CRACD: variants seen among roughly 807,000 people sequenced by gnomAD.
CRACD encodes capping protein inhibiting regulator of actin dynamics, also known as capping protein-inhibiting regulator of actin dynamics.
Under a neutral mutation model 106.8 loss-of-function variants are expected in CRACD, and 56 were observed. The ratio of observed to expected loss-of-function variants is 0.52; its 90% CI spans 0.42 to 0.66. The LOEUF (loss-of-function observed/expected upper bound fraction) is 0.66. Among genes scored for constraint, CRACD ranks in the 30% least tolerant of loss-of-function variants. CRACD has a pLI of 0.00. For missense variants in CRACD, 1,730 were observed against 1,623.2 expected, an observed-to-expected ratio of 1.07 and a Z score of -1.13; for synonymous variants, 754 against 670.8, an observed-to-expected ratio of 1.12 and a Z score of -1.92.
At chr4:56,202,760 T>C (rs1284044912) in intron 2 of CRACD, among the ~76,000 whole-genome samples, 1 of 152,210 alleles carries the variant, frequency 6.6e-6, no homozygotes, top group Non-Finnish European at 1.5e-5. Context: ...GAAATAACTT[T>C]TATTTTTTCT....
chr4:56,226,562 G>A (rs1022811672), intron 2 of CRACD, among the ~76,000 whole-genome samples: 1 of 152,132 alleles, frequency 6.6e-6, no homozygotes, highest in East Asian at 1.9e-4. Flanking sequence ...CTGTTGCTAA[G>A]AGAAAATTTG....
At position 56,065,699 on chromosome 4, in the gene CRACD, T is replaced by C. The variant is rs148599376; in HGVS notation, c.-336+16400T>C. On this transcript the variant is annotated intron_variant, in intron 1 of 10. Coordinates refer to ENST00000682029, the MANE Select transcript of CRACD (RefSeq NM_001393381.1). ...GGTGAAATATACATGACATACACTT[T>C]ACTATTTTACCCATTTTTAAGTGTA... is the stretch of plus-strand genomic sequence containing the variant. 1.2e-3 allele frequency among the ~76,000 whole-genome samples: 188 copies of C among 152,312 alleles called. 1 individual carries two copies. The highest frequency in any genetic ancestry group is 4.3e-3 in the African/African-American group (178 of 41,566).
At chr4:56,170,062 A>C (rs7655754) in intron 1 of CRACD, 64,215 of 152,422 alleles carry the variant, frequency 0.42, 14,190 homozygotes, top group African/African-American at 0.55. Context: ...CAACAACAAC[A>C]ACCACAACAA....
intron 2 of CRACD, among the ~76,000 whole-genome samples, chr4:56,224,073 G>T (rs1161244547): frequency 6.6e-6 from 1 of 152,004 alleles, no homozygotes; most frequent in African/African-American, 2.4e-5. Context: ...AATTGATGAG[G>T]TCTGTAAAAC....
At chr4:56,268,323 G>A (rs553276742) in intron 2 of CRACD, among the ~76,000 whole-genome samples, 14 of 151,868 alleles carry the variant, frequency 9.2e-5, no homozygotes, top group Admixed American at 4.6e-4. Flanking sequence ...TGCTTATCTC[G>A]AAAGCTAAAT....
Position 56,157,204 on chromosome 4 carries a change from G to A in CRACD, c.-335-22080G>A, listed in dbSNP as rs566479020. ...GGAAAAAGTATCTTTGAAAATCAAA[G>A]GGCCTGTAATCCCAGCACTTTGGGA... is the stretch of plus-strand genomic sequence containing the variant. On this transcript the variant is annotated intron_variant, in intron 1 of 10. Transcript: ENST00000682029. 5.9e-5 allele frequency among the ~76,000 whole-genome samples: 9 copies of A among 152,210 alleles called. No individual in the cohort carries two copies. The East Asian group carries it at 1.7e-3, about 29-fold the overall frequency.
chr4:56,319,841 G>A (rs1282001882), intron 8 of CRACD, among the ~76,000 whole-genome samples: 1 of 152,030 alleles, frequency 6.6e-6, no homozygotes, highest in Non-Finnish European at 1.5e-5. Context: ...TACCTGGTGA[G>A]ATTAAAACAG....
intron 2 of CRACD, among the ~76,000 whole-genome samples, chr4:56,198,201 A>C (rs1163315660): frequency 6.6e-6 from 1 of 152,184 alleles, no homozygotes; most frequent in Non-Finnish European, 1.5e-5. Flanking sequence ...TCAAAAACGT[A>C]CATATAAAAT....
At chr4:56,192,114 A>G (rs892466122) in intron 2 of CRACD, among the ~76,000 whole-genome samples, 1 of 152,164 alleles carries the variant, frequency 6.6e-6, no homozygotes, top group African/African-American at 2.4e-5. Flanking sequence ...TATACTGGCC[A>G]GGCGCATTGG....
In CRACD at chr4:56,298,304, A is replaced by G. The variant is rs1336319085; in HGVS notation, c.75A>G (p.Gln25=). 1.2e-6 allele frequency: 2 copies of G among 1,614,208 alleles called. No individual in the cohort carries two copies. Among genetic ancestry groups the G allele is most frequent in the Non-Finnish European group, 1.7e-6 (2 of 1,180,028 alleles). Residue 25 remains glutamine, a synonymous_variant, in exon 4 of 11, where the codon CAA becomes CAG. Coordinates refer to ENST00000682029, the MANE Select transcript of CRACD (RefSeq NM_001393381.1). ...DGGAESEQTV[Q]AMSQDNILGK... is the part of the protein sequence containing the mutation. Reference sequence around the variant, plus strand: ...GAGCAGAAAGTGAGCAGACAGTTCAAGCAATGTCACAGGACAACATCCTGG... The same window carrying G: ...GAGCAGAAAGTGAGCAGACAGTTCAGGCAATGTCACAGGACAACATCCTGG...
intron 2 of CRACD, among the ~76,000 whole-genome samples, chr4:56,210,817 A>G (rs574021031): frequency 6.6e-6 from 1 of 152,266 alleles, no homozygotes; most frequent in South Asian, 2.1e-4. Context: ...CTTAGCTGTA[A>G]TTACTGAGTT....
intron 3 of CRACD, among the ~76,000 whole-genome samples, chr4:56,280,914 G>A (rs1743004268): frequency 6.6e-6 from 1 of 152,190 alleles, no homozygotes; most frequent in Admixed American, 6.5e-5. Flanking sequence ...TGTTTTACTT[G>A]ACTGTTTATC....
intron 1 of CRACD, among the ~76,000 whole-genome samples, chr4:56,087,206 T>A (rs2109815262): frequency 6.6e-6 from 1 of 152,022 alleles, no homozygotes; most frequent in African/African-American, 2.4e-5. Flanking sequence ...AGAGATGGGG[T>A]TTCACCATGT....
chr4:56,085,270 G>A (rs1021147830), intron 1 of CRACD, among the ~76,000 whole-genome samples: 7 of 152,086 alleles, frequency 4.6e-5, no homozygotes, highest in South Asian at 2.1e-4. Context: ...TTACTCTCCC[G>A]GGAGTCCTTA....
At chr4:56,230,326 A>C (rs759032746) in intron 2 of CRACD, among the ~76,000 whole-genome samples, 2 of 152,172 alleles carry the variant, frequency 1.3e-5, no homozygotes, top group Non-Finnish European at 2.9e-5. Context: ...TTTTCTGCAC[A>C]TAATGAATCT....
chr4:56,227,590 G>A (rs1020347683), intron 2 of CRACD, among the ~76,000 whole-genome samples: 3 of 152,190 alleles, frequency 2.0e-5, no homozygotes, highest in Non-Finnish European at 2.9e-5. Context: ...GGGCCAGATA[G>A]TAAATATTTT....
At chr4:56,325,908 T>A (rs1746411042) in intron 10 of CRACD, among the ~76,000 whole-genome samples, 1 of 152,104 alleles carries the variant, frequency 6.6e-6, no homozygotes, top group African/African-American at 2.4e-5. Flanking sequence ...TGTTTTTTAG[T>A]TTTGTTTGGC....
rs558907581 is a variant in CRACD at position 56,184,114 on chromosome 4, A to G, written c.-189+4684A>G. Among the ~76,000 whole-genome samples, 510 of 152,184 alleles carry G rather than the reference A, an allele frequency of 3.4e-3. 1 individual carries two copies. Among genetic ancestry groups the G allele is most frequent in the Non-Finnish European group, 5.4e-3 (370 of 68,010 alleles). ...AAGACAGAGTCTTGATCTGTCGCCCAGGCTGGAGTGCAGTGGCGCGATCTC... is the reference window on the plus strand; with the variant it reads ...AAGACAGAGTCTTGATCTGTCGCCCGGGCTGGAGTGCAGTGGCGCGATCTC... On this transcript the variant is annotated intron_variant, in intron 2 of 10. Coordinates refer to ENST00000682029, the MANE Select transcript of CRACD (RefSeq NM_001393381.1).
At chr4:56,206,993 A>T (rs936790733) in intron 2 of CRACD, among the ~76,000 whole-genome samples, 2 of 152,232 alleles carry the variant, frequency 1.3e-5, no homozygotes, top group African/African-American at 4.8e-5. Flanking sequence ...GACTACTATT[A>T]TGACTGTCTG....
Sources: allele counts gnomAD v4.1 joint callset (sites outside exome capture counted in the v4.1 genomes callset), GRCh38; gene constraint gnomAD v4.1.1; transcripts MANE v1.5; gene names NCBI Gene and HGNC (gene_info 2026-07-23, HGNC 2026-07-21).